Variants in GINS1 observed in about 807,000 individuals in gnomAD.
GINS1 encodes GINS complex subunit 1.
A neutral mutation model predicts 34.9 loss-of-function variants in GINS1; 26 were observed. The observed-to-expected ratio is 0.74, with a 90% CI of 0.55 to 1.03. The LOEUF (loss-of-function observed/expected upper bound fraction) is 1.03, where lower values mean the gene tolerates loss of function less well. Ranked by LOEUF, GINS1 falls within the 50% of genes least tolerant of loss-of-function variation. The pLI is 0.00. For missense variants in GINS1, 235 were observed against 237.9 expected, an observed-to-expected ratio of 0.99 and a Z score of 0.08; for synonymous variants, 97 against 84.4, an observed-to-expected ratio of 1.15 and a Z score of -0.82.
intron 4 of GINS1, among the ~76,000 whole-genome samples, chr20:25,420,145 T>TA (rs1328839118): frequency 6.6e-6 from 1 of 150,910 alleles, no homozygotes; most frequent in Non-Finnish European, 1.5e-5. Context: ...TATATATATA[T>TA]TTTTTTGAGA....
intron 4 of GINS1, 137 bp from the exon 5 acceptor site, chr20:25,425,074 A>G: frequency 1.8e-6 from 1 of 544,090 alleles, no homozygotes; most frequent in Non-Finnish European, 3.3e-6. Context: ...ATAGGAGGCA[A>G]TTAATATTTT....
intron 2 of GINS1, 59 bp from the exon 3 acceptor site, chr20:25,417,045 G>T: frequency 1.3e-6 from 1 of 792,524 alleles, no homozygotes; most frequent in South Asian, 1.5e-5. Flanking sequence ...AGTTGGCTTT[G>T]AAAATTTTAC....
rs528342481 is a variant in GINS1 at position 25,409,048 on chromosome 20, A to G, written c.75+1153A>G. ...TGATATATGAGCCTTTCCATCCTCAAGGATGAGGTTACTGATCTGAGAAGG... is the reference window on the plus strand; with the variant it reads ...TGATATATGAGCCTTTCCATCCTCAGGGATGAGGTTACTGATCTGAGAAGG... On this transcript the variant is annotated intron_variant, in intron 1 of 6. Coordinates refer to ENST00000262460, the MANE Select transcript of GINS1 (RefSeq NM_021067.5). 5 of 984,504 alleles carry G rather than the reference A, an allele frequency of 5.1e-6. No individual in the cohort carries two copies. The East Asian group carries it at 4.5e-4, about 89-fold the overall frequency. 61.0% of individuals were successfully genotyped at this position (984,504 alleles called of 1,614,324 possible).
Position 25,417,180 on chromosome 20 carries a change from C to A in GINS1, c.217C>A (p.Arg73=). The A allele has an allele frequency of 6.4e-7, 1 of 1,569,540 alleles. No homozygotes were observed. Among genetic ancestry groups the A allele is most frequent in the Non-Finnish European group, 8.8e-7 (1 of 1,140,632 alleles). Residue 73 remains arginine (R), a synonymous_variant, in exon 3 of 7, where the codon CGA becomes AGA. Coordinates refer to ENST00000262460, the MANE Select transcript of GINS1 (RefSeq NM_021067.5). ...TCGACACTGTTCTCTGTTAAGAAATCGACGCTGCACTGTAGCATACCTGTA... is the reference window on the plus strand; with the variant it reads ...TCGACACTGTTCTCTGTTAAGAAATAGACGCTGCACTGTAGCATACCTGTA... ...KFRHCSLLRN[R]RCTVAYLYDR...
chr20:25,421,982 A>G (rs2090358274), intron 4 of GINS1, among the ~76,000 whole-genome samples: 2 of 151,324 alleles, frequency 1.3e-5, no homozygotes, highest in African/African-American at 4.8e-5. Context: ...TTTATCCTTT[A>G]TATTATAAAA....
Position 25,409,080 on chromosome 20 carries a change from G to A in GINS1, c.75+1185G>A, listed in dbSNP as rs530513728. 1.3e-5 allele frequency: 13 copies of A among 969,812 alleles called. No homozygotes were observed. The Admixed American group carries it at 5.5e-4, about 41-fold the overall frequency. 60.1% of individuals were successfully genotyped at this position (969,812 alleles called of 1,614,324 possible). A position where few individuals can be genotyped will look rare whatever the true frequency, so the allele number is the denominator to read the frequency against. ...GGTTACTGATCTGAGAAGGAAGCGAGGCATCCCAGCCAAAGGATGCTGCAG... is the reference window on the plus strand; with the variant it reads ...GGTTACTGATCTGAGAAGGAAGCGAAGCATCCCAGCCAAAGGATGCTGCAG... On this transcript the variant is annotated intron_variant, in intron 1 of 6. Transcript: ENST00000262460.
chr20:25,442,432 A>G (rs915425568), intron 6 of GINS1, among the ~76,000 whole-genome samples: 2 of 151,868 alleles, frequency 1.3e-5, no homozygotes, highest in South Asian at 2.1e-4. Flanking sequence ...TGACCATGCT[A>G]GTCTCAAACT....
chr20:25,418,720 C>T (rs1012552424), intron 4 of GINS1, among the ~76,000 whole-genome samples: 3 of 152,188 alleles, frequency 2.0e-5, no homozygotes, highest in African/African-American at 7.2e-5. Flanking sequence ...TGACTTTTGA[C>T]ACTAACTACC....
chr20:25,426,816 C>T (rs369051827), intron 5 of GINS1, among the ~76,000 whole-genome samples: 1 of 152,090 alleles, frequency 6.6e-6, no homozygotes, highest in Non-Finnish European at 1.5e-5. Flanking sequence ...TGAGCCACTG[C>T]GCCTGGCCCA....
intron 5 of GINS1, among the ~76,000 whole-genome samples, chr20:25,431,421 A>G (rs1447265026): frequency 6.6e-6 from 1 of 151,852 alleles, no homozygotes; most frequent in African/African-American, 2.4e-5. Context: ...TGCTCTAATC[A>G]TTATTTCCTC....
At chr20:25,425,434 A>G in intron 5 of GINS1, 107 bp downstream of exon 5, 1 of 573,192 alleles carries the variant, frequency 1.7e-6, no homozygotes, top group Non-Finnish European at 3.1e-6. Flanking sequence ...AAAATAGAAA[A>G]GAAGCATAGA....
At chr20:25,429,998 C>G (rs547614346) in intron 5 of GINS1, among the ~76,000 whole-genome samples, 1 of 152,108 alleles carries the variant, frequency 6.6e-6, no homozygotes, top group South Asian at 2.1e-4. Context: ...CTTCAACGTC[C>G]GCCTCCTAGG....
At chr20:25,409,056 G>T (rs2146181145) in intron 1 of GINS1, 8 of 983,072 alleles carry the variant, frequency 8.1e-6, no homozygotes, top group Non-Finnish European at 9.7e-6. Flanking sequence ...CAAGGATGAG[G>T]TTACTGATCT....
At position 25,446,221 on chromosome 20, in the gene GINS1, GAGA is replaced by G; in HGVS notation, c.*231_*233del. The G allele has an allele frequency of 2.6e-6, 1 of 377,382 alleles. No homozygotes were observed. Among genetic ancestry groups the G allele is most frequent in the Non-Finnish European group, 4.7e-6 (1 of 211,250 alleles). The allele number at this position is 377,382 out of a possible 1,614,324, so 23.4% of individuals were successfully genotyped here. ...TTTTTGGTTTTGGTTTTGTTTTGTA[GAGA>G]CTGTCTCACTATGTTGCCCAAGCTG... On this transcript the variant is annotated 3_prime_UTR_variant, in exon 7 of 7. Transcript: ENST00000262460.
chr20:25,445,674 G>A (rs1355046739), intron 6 of GINS1, among the ~76,000 whole-genome samples: 5 of 152,126 alleles, frequency 3.3e-5, no homozygotes, highest in East Asian at 1.9e-4. Flanking sequence ...GTAGAGACGC[G>A]GTTTCTCCAT....
At chr20:25,409,084 T>G in intron 1 of GINS1, 1 of 964,332 alleles carries the variant, frequency 1.0e-6, no homozygotes, top group Non-Finnish European at 1.2e-6. Context: ...AAGCGAGGCA[T>G]CCCAGCCAAA....
At chr20:25,424,430 ATTG>A (rs1304800156) in intron 4 of GINS1, among the ~76,000 whole-genome samples, 1 of 152,186 alleles carries the variant, frequency 6.6e-6, no homozygotes, top group Admixed American at 6.5e-5. Flanking sequence ...TAGGTCTTTC[ATTG>A]TTTTCAACTT....
chr20:25,425,624 C>T (rs2090386418), intron 5 of GINS1, among the ~76,000 whole-genome samples: 1 of 151,940 alleles, frequency 6.6e-6, no homozygotes, highest in Non-Finnish European at 1.5e-5. Context: ...TAAAATGAAA[C>T]AAATGTCAAA....
intron 5 of GINS1, among the ~76,000 whole-genome samples, chr20:25,427,885 T>TG (rs2090401027): frequency 6.6e-6 from 1 of 150,492 alleles, no homozygotes; most frequent in Non-Finnish European, 1.5e-5. Flanking sequence ...TTTTTTTTTT[T>TG]TTTGAGATGG....
Sources: gnomAD v4.1 joint callset for allele counts (sites outside exome capture counted in the v4.1 genomes callset) on GRCh38, gnomAD v4.1.1 for gene constraint, MANE v1.5 for transcripts, NCBI Gene and HGNC (gene_info 2026-07-23, HGNC 2026-07-21) for gene names.